CD46: variants seen among roughly 807,000 people sequenced by gnomAD.
CD46 encodes membrane cofactor protein.
In CD46, 30 loss-of-function variants were observed where a neutral mutation model predicts 53.3. The ratio of observed to expected loss-of-function variants is 0.56; its 90% CI spans 0.42 to 0.76. CD46 has a LOEUF of 0.76. CD46 is among the 30% of genes least tolerant of loss of function. The pLI, the probability that CD46 is intolerant of heterozygous loss-of-function variation, is 0.00. For synonymous variants in CD46, 142 were observed against 152.0 expected, an observed-to-expected ratio of 0.93 and a Z score of 0.48; for missense variants, 409 against 463.0, an observed-to-expected ratio of 0.88 and a Z score of 1.07.
rs63193962 is a variant in CD46 at position 207,785,777 on chromosome 1, CTTTT to C, written c.1082+106_1082+109del. The C allele has an allele frequency of 0.49, 328,784 of 669,582 alleles. 75,234 individuals carry two copies. The highest frequency in any genetic ancestry group is 0.56 in the Admixed American group (23,689 of 42,388). The allele number at this position is 669,582 out of a possible 1,614,324, so 41.5% of individuals were successfully genotyped here. A position where few individuals can be genotyped will look rare whatever the true frequency, so the allele number is the denominator to read the frequency against. ...GTTTGTAATCTGTATTGCATGCTAT[CTTTT>C]TTTTTTTTTTAAAAAAATGCCTGCA... On this transcript the variant is annotated intron_variant, in intron 11 of 12. Transcript: ENST00000367042.
At chr1:207,764,948 GA>G (rs1558054227) in intron 5 of CD46, among the ~76,000 whole-genome samples, 1 of 152,210 alleles carries the variant, frequency 6.6e-6, no homozygotes, top group African/African-American at 2.4e-5. Flanking sequence ...CCCATTTTAT[GA>G]TGATAGCATT....
chr1:207,754,984 G>A (rs977584253), intron 1 of CD46, among the ~76,000 whole-genome samples: 3 of 150,098 alleles, frequency 2.0e-5, no homozygotes, highest in Non-Finnish European at 4.4e-5. Flanking sequence ...AGCCAGGTGT[G>A]ATGTTGCATG....
Position 207,752,241 on chromosome 1 carries a change from CCTTTCCTTCCTGGCG to C in CD46, c.37_51del (p.Ser13_Pro17del). ...GAGCCTCCCGGCCGCCGCGAGTGTC[CCTTTCCTTCCTGGCG>C]CTTTCCTGGGTTGCTTCTGGCGGCC... On this transcript the variant is annotated inframe_deletion, in exon 1 of 13. Transcript: ENST00000367042. The surrounding 1 kb of genome is among the most constrained non-coding windows in gnomAD (Gnocchi z 4.1). The C allele has an allele frequency of 1.2e-6, 2 of 1,614,102 alleles. No individual in the cohort carries two copies. The highest frequency in any genetic ancestry group is 1.7e-6 in the Non-Finnish European group (2 of 1,179,996).
At chr1:207,784,964 G>A (rs1044536696) in intron 9 of CD46, 107 bp from the exon 10 acceptor site, 1 of 892,764 alleles carries the variant, frequency 1.1e-6, no homozygotes. Flanking sequence ...GATGAGATTT[G>A]GGTGGGGACA....
chr1:207,752,084 G>C lies in CD46; in HGVS notation c.-129G>C. On this transcript the variant is annotated 5_prime_UTR_variant, in exon 1 of 13. Coordinates refer to ENST00000367042, the MANE Select transcript of CD46 (RefSeq NM_172351.3). The surrounding 1 kb of genome is among the most constrained non-coding windows in gnomAD (Gnocchi z 4.1). ...TCGGGCCACGCCCACCTGTCCTGCA[G>C]CACTGGATGCTTTGTGAGTTGGGGA... 1 of 937,104 alleles carries C rather than the reference G, an allele frequency of 1.1e-6. No homozygotes were observed. Among genetic ancestry groups the C allele is most frequent in the Non-Finnish European group, 1.7e-6 (1 of 577,314 alleles). The allele number at this position is 937,104 out of a possible 1,614,324, so 58.0% of individuals were successfully genotyped here.
chr1:207,774,076 G>T (rs1386101699), intron 8 of CD46, among the ~76,000 whole-genome samples: 1 of 152,178 alleles, frequency 6.6e-6, no homozygotes, highest in African/African-American at 2.4e-5. Flanking sequence ...CCTGTATTGG[G>T]TGCATATATA....
At chr1:207,782,312 T>C (rs1402293918) in intron 8 of CD46, among the ~76,000 whole-genome samples, 1 of 152,222 alleles carries the variant, frequency 6.6e-6, no homozygotes, top group Non-Finnish European at 1.5e-5. Flanking sequence ...TAAGAGATTT[T>C]TGCATGTGTG....
At chr1:207,754,280 A>C (rs528511181) in intron 1 of CD46, among the ~76,000 whole-genome samples, 3 of 152,312 alleles carry the variant, frequency 2.0e-5, no homozygotes, top group African/African-American at 7.2e-5. Context: ...CCCTCAGCCC[A>C]GGAACATTCT....
intron 11 of CD46, among the ~76,000 whole-genome samples, chr1:207,788,716 T>C (rs1659515126): frequency 6.6e-6 from 1 of 152,206 alleles, no homozygotes; most frequent in Non-Finnish European, 1.5e-5. Context: ...CTCAAATTGT[T>C]GTTAAAGCCT....
At chr1:207,790,468 A>C (rs1242526468) in intron 12 of CD46, 123 bp downstream of exon 12, 5 of 627,288 alleles carry the variant, frequency 8.0e-6, no homozygotes, top group Non-Finnish European at 8.5e-6. Flanking sequence ...GGAAATTTAC[A>C]TTCCTGTTCC....
intron 8 of CD46, among the ~76,000 whole-genome samples, chr1:207,775,025 C>G (rs1456950187): frequency 6.6e-6 from 1 of 152,210 alleles, no homozygotes; most frequent in Non-Finnish European, 1.5e-5. Flanking sequence ...GTACACCAAT[C>G]AAACGTAGAT....
chr1:207,775,827 G>A (rs189061261), intron 8 of CD46, among the ~76,000 whole-genome samples: 46 of 152,272 alleles, frequency 3.0e-4, no homozygotes, highest in Middle Eastern at 3.4e-3. Flanking sequence ...GGGTGTCAGG[G>A]ACCCACTTGA....
intron 8 of CD46, among the ~76,000 whole-genome samples, chr1:207,776,346 G>C (rs926736526): frequency 1.3e-5 from 2 of 152,270 alleles, no homozygotes; most frequent in Non-Finnish European, 1.5e-5. Flanking sequence ...GCGATGCCCC[G>C]CCCTCCGTGG....
chr1:207,767,574 T>C (rs375471192), intron 6 of CD46: 25 of 1,546,338 alleles, frequency 1.6e-5, no homozygotes, highest in Non-Finnish European at 2.2e-5. Flanking sequence ...AACTCCCAAG[T>C]GGTTGATCTT....
At chr1:207,760,502 C>T (rs1656058558) in intron 4 of CD46, 1 of 152,130 alleles carries the variant, frequency 6.6e-6, no homozygotes, top group Non-Finnish European at 1.5e-5. Context: ...TTAACTAGCA[C>T]CGAGTTAAGC....
rs535705127 is a variant in CD46, at chr1:207,775,634, T to C, written c.943+5272T>C. On this transcript the variant is annotated intron_variant, in intron 8 of 12. Transcript: ENST00000367042. Reference sequence around the variant, plus strand: ...GTCAGACCCCTCAGCTGCAGGTGTGTTGGAGTTTGCTGGAGGTCCACTCCA... The same window carrying C: ...GTCAGACCCCTCAGCTGCAGGTGTGCTGGAGTTTGCTGGAGGTCCACTCCA... Among the ~76,000 whole-genome samples the C allele has an allele frequency of 2.0e-5, 3 of 152,338 alleles. No homozygotes were observed. The South Asian group carries it at 6.2e-4, about 32-fold the overall frequency.
rs779174212 is a variant in CD46 at position 207,761,308 on chromosome 1, G to C, written c.535G>C (p.Glu179Gln). 5.0e-5 allele frequency: 81 copies of C among 1,613,234 alleles called. 1 individual carries two copies. The highest frequency in any genetic ancestry group is 4.5e-4 in the South Asian group (41 of 91,078). The change falls in exon 5 of 13, where the codon GAA becomes CAA. Residue 179 changes from glutamate (E) to glutamine (Q), a missense_variant. Glu to Gln is a conservative substitution (Grantham distance 29). Coordinates refer to ENST00000367042, the MANE Select transcript of CD46 (RefSeq NM_172351.3). ...TGGAAAACACACCTTTAGTGAAGTAGAAGTATTTGAGTATCTTGATGCAGT... is the reference window on the plus strand; with the variant it reads ...TGGAAAACACACCTTTAGTGAAGTACAAGTATTTGAGTATCTTGATGCAGT... Reference protein sequence around the residue: ...KNGKHTFSEVEVFEYLDAVTY... With the variant: ...KNGKHTFSEVQVFEYLDAVTY...
intron 11 of CD46, among the ~76,000 whole-genome samples, chr1:207,789,472 C>G (rs183645823): frequency 6.6e-6 from 1 of 151,922 alleles, no homozygotes; most frequent in East Asian, 1.9e-4. Context: ...AGCATTTAAC[C>G]CTTCAAAAAT....
At chr1:207,790,821 C>T (rs2102714548) in intron 12 of CD46, among the ~76,000 whole-genome samples, 1 of 152,284 alleles carries the variant, frequency 6.6e-6, no homozygotes, top group East Asian at 1.9e-4. Context: ...ATATTTTTAG[C>T]ATATCAAAGG....
Sources: allele counts gnomAD v4.1 joint callset (sites outside exome capture counted in the v4.1 genomes callset), GRCh38; gene constraint gnomAD v4.1.1; non-coding constraint Gnocchi (gnomAD v3.1); transcripts MANE v1.5; gene names NCBI Gene and HGNC (gene_info 2026-07-23, HGNC 2026-07-21).